Variants in CSMD1 observed in about 807,000 individuals in gnomAD.
CSMD1 encodes the protein CUB and Sushi multiple domains 1.
CSMD1 carries 213 observed loss-of-function variants against 417.5 expected under a neutral mutation model. That is an observed-to-expected ratio of 0.51 (90% CI 0.46 to 0.57). The LOEUF (loss-of-function observed/expected upper bound fraction) is 0.57, where lower values mean the gene tolerates loss of function less well. Among genes scored for constraint, CSMD1 ranks in the 20% least tolerant of loss-of-function variants. The pLI is 0.00. For missense variants in CSMD1, 6,923 were observed against 4,529.7 expected (o/e 1.53, Z -15.17); for synonymous variants, 2,862 against 1,736.8 (o/e 1.65, Z -16.11).
intron 26 of CSMD1, among the ~76,000 whole-genome samples, chr8:3,240,771 T>G (rs577102317): frequency 1.0e-3 from 155 of 152,198 alleles, no homozygotes; most frequent in Non-Finnish European, 1.4e-3. Context: ...TTGGCACCAC[T>G]GGGTGGATAG....
At chr8:4,113,634 G>T (rs1409535319) in intron 3 of CSMD1, among the ~76,000 whole-genome samples, 2 of 151,996 alleles carry the variant, frequency 1.3e-5, no homozygotes, top group Admixed American at 1.3e-4. Context: ...TTGAACTCCT[G>T]ACCTCCTGAT....
chr8:3,369,506 A>G, intron 18 of CSMD1, 136 bp from the exon 19 acceptor site: 1 of 595,548 alleles, frequency 1.7e-6, no homozygotes, highest in Non-Finnish European at 3.0e-6. Context: ...ACCAAGCAGA[A>G]CCTGAGCTTT....
At chr8:4,361,865 G>C (rs1222270773) in intron 3 of CSMD1, among the ~76,000 whole-genome samples, 1 of 152,110 alleles carries the variant, frequency 6.6e-6, no homozygotes, top group African/African-American at 2.4e-5. Context: ...TAAGGCAGAA[G>C]AATTGCTTGA....
chr8:3,151,410 T>A lies in CSMD1; in HGVS notation c.6018A>T (p.Leu2006Phe), dbSNP rs748633955. 1 of 1,609,914 alleles carries A rather than the reference T, an allele frequency of 6.2e-7. No individual in the cohort carries two copies. Among genetic ancestry groups the A allele is most frequent in the African/African-American group, 1.3e-5 (1 of 74,982 alleles). ...ATTTTCACTTACCATAGCCGATGGGTAATGAGATCCTCCAGGTGCAGTCTA... is the reference window on the plus strand; with the variant it reads ...ATTTTCACTTACCATAGCCGATGGGAAATGAGATCCTCCAGGTGCAGTCTA... ...NNLDCTWRIS[L>F]PIGYGAHIQF... Residue 2006 changes from leucine to phenylalanine, a missense_variant, in exon 40 of 70, where the codon TTA (leucine) becomes TTT (phenylalanine). Transcript: ENST00000635120.
At chr8:4,298,471 A>T (rs867771015) in intron 3 of CSMD1, among the ~76,000 whole-genome samples, 7 of 152,154 alleles carry the variant, frequency 4.6e-5, no homozygotes, top group African/African-American at 1.7e-4. Flanking sequence ...CTTAGTGAGT[A>T]CAATGTATAT....
intron 11 of CSMD1, among the ~76,000 whole-genome samples, chr8:3,481,891 G>C (rs1817768794): frequency 1.3e-5 from 2 of 152,156 alleles, no homozygotes; most frequent in Admixed American, 6.5e-5. Flanking sequence ...TTCCAGAACT[G>C]AGAGTACAAA....
At chr8:4,781,838 T>A (rs1463116950) in intron 1 of CSMD1, among the ~76,000 whole-genome samples, 1 of 152,200 alleles carries the variant, frequency 6.6e-6, no homozygotes, top group African/African-American at 2.4e-5. Context: ...CGATGACGGT[T>A]CCATATTTTA....
At chr8:3,956,893 T>C (rs35048665) in intron 5 of CSMD1, among the ~76,000 whole-genome samples, 69,092 of 151,900 alleles carry the variant, frequency 0.45, 16,515 homozygotes, top group East Asian at 0.73. Flanking sequence ...CAGGTGATTA[T>C]CTCTGCATTG....
intron 1 of CSMD1, among the ~76,000 whole-genome samples, chr8:4,753,068 C>T (rs1026504976): frequency 6.6e-6 from 1 of 152,050 alleles, no homozygotes; most frequent in African/African-American, 2.4e-5. Flanking sequence ...CTCATTTAAC[C>T]CTCACACCAT....
intron 1 of CSMD1, among the ~76,000 whole-genome samples, chr8:4,665,924 G>C (rs995029281): frequency 6.6e-6 from 1 of 152,164 alleles, no homozygotes; most frequent in Non-Finnish European, 1.5e-5. Context: ...TTACAAGAAT[G>C]ACCCAAATGT....
chr8:3,106,122 A>T (rs1169949631), intron 46 of CSMD1, among the ~76,000 whole-genome samples: 5 of 151,788 alleles, frequency 3.3e-5, no homozygotes, highest in African/African-American at 1.2e-4. Flanking sequence ...ACAGTGGCTC[A>T]TGCCTGCAAT....
At chr8:4,667,591 T>C (rs1248507771) in intron 1 of CSMD1, among the ~76,000 whole-genome samples, 2 of 152,202 alleles carry the variant, frequency 1.3e-5, no homozygotes, top group Admixed American at 1.3e-4. Context: ...TCTTGGATTG[T>C]CCCTGAGTAC....
At chr8:3,868,955 C>T (rs1265271920) in intron 5 of CSMD1, among the ~76,000 whole-genome samples, 1 of 152,220 alleles carries the variant, frequency 6.6e-6, no homozygotes, top group African/African-American at 2.4e-5. Context: ...TCCATTACAA[C>T]CTAAGTCACA....
chr8:4,232,648 A>G (rs1353695866), intron 3 of CSMD1, among the ~76,000 whole-genome samples: 2 of 152,146 alleles, frequency 1.3e-5, no homozygotes, highest in Admixed American at 6.5e-5. Context: ...TCATCACTAA[A>G]TCTTACTTTC....
chr8:4,806,399 A>C (rs1400862252), intron 1 of CSMD1, among the ~76,000 whole-genome samples: 1 of 152,068 alleles, frequency 6.6e-6, no homozygotes, highest in East Asian at 1.9e-4. Flanking sequence ...GGATGAAGCA[A>C]AGTTCTTTGC....
At chr8:4,992,524 C>G (rs2117486075) in intron 1 of CSMD1, among the ~76,000 whole-genome samples, 1 of 152,286 alleles carries the variant, frequency 6.6e-6, no homozygotes, top group Middle Eastern at 3.4e-3. Flanking sequence ...GCAGGTGTTT[C>G]CTCTCCACGC....
intron 49 of CSMD1, among the ~76,000 whole-genome samples, chr8:3,078,728 G>A (rs1056522255): frequency 2.0e-5 from 3 of 152,174 alleles, no homozygotes; most frequent in African/African-American, 7.2e-5. Flanking sequence ...GAGAGCCAGT[G>A]TCTGATTTCA....
chr8:4,083,125 T>C (rs1489595482), intron 3 of CSMD1, among the ~76,000 whole-genome samples: 1 of 152,110 alleles, frequency 6.6e-6, no homozygotes, highest in Non-Finnish European at 1.5e-5. Flanking sequence ...TTTTAGTATA[T>C]ACCCAGTAAC....
intron 51 of CSMD1, among the ~76,000 whole-genome samples, chr8:3,028,902 A>G (rs1221272013): frequency 1.3e-5 from 2 of 152,224 alleles, no homozygotes. Flanking sequence ...TGTACCTAAG[A>G]GAATAATCAT....
Sources: gnomAD v4.1 joint callset for allele counts (sites outside exome capture counted in the v4.1 genomes callset) on GRCh38, gnomAD v4.1.1 for gene constraint, MANE v1.5 for transcripts, NCBI Gene and HGNC (gene_info 2026-07-23, HGNC 2026-07-21) for gene names.